PACRG: variants seen among roughly 807,000 people sequenced by gnomAD.
The protein encoded by PACRG is parkin coregulated.
PACRG carries 29 observed loss-of-function variants against 29.7 expected under a neutral mutation model. The ratio of observed to expected loss-of-function variants is 0.98; its 90% CI spans 0.73 to 1.33. The LOEUF is 1.33. Among genes scored for constraint, PACRG ranks in the 40% most tolerant of loss-of-function variants. The pLI is 0.00. For missense variants in PACRG, 279 were observed against 316.2 expected (o/e 0.88, Z 0.89); for synonymous variants, 116 against 118.7 (o/e 0.98, Z 0.15).
At chr6:163,283,086 C>A (rs1784273760) in intron 4 of PACRG, among the ~76,000 whole-genome samples, 3 of 152,202 alleles carry the variant, frequency 2.0e-5, no homozygotes, top group Non-Finnish European at 4.4e-5. Flanking sequence ...ATGCACATTA[C>A]TATATGACAT....
Position 163,030,550 on chromosome 6 carries a change from CTTGGATCT to C in PACRG, c.292-31599_292-31592del, listed in dbSNP as rs1807564611. On this transcript the variant is annotated intron_variant, in intron 2 of 4. Coordinates refer to ENST00000366888, the MANE Select transcript of PACRG (RefSeq NM_001080379.2). ...CCCTTCCAGACCCCAAGAGAGGGTT[CTTGGATCT>C]CACACAAGAAAGAATTCAGGGTGAG... is the stretch of plus-strand genomic sequence containing the variant. 3.9e-5 allele frequency among the ~76,000 whole-genome samples: 6 copies of C among 152,236 alleles called. No homozygotes were observed. The South Asian group carries it at 1.2e-3, about 32-fold the overall frequency.
intron 2 of PACRG, among the ~76,000 whole-genome samples, chr6:162,842,411 A>T (rs1240384756): frequency 6.6e-6 from 1 of 151,302 alleles, no homozygotes; most frequent in Non-Finnish European, 1.5e-5. Flanking sequence ...AGAGACTAGG[A>T]TTGCAGCCCC....
intron 2 of PACRG, among the ~76,000 whole-genome samples, chr6:162,917,051 G>C (rs1796746381): frequency 6.6e-6 from 1 of 152,006 alleles, no homozygotes; most frequent in African/African-American, 2.4e-5. Context: ...TGTTAATTTT[G>C]GAGTCTGGGC....
intron 2 of PACRG, among the ~76,000 whole-genome samples, chr6:162,984,925 T>C (rs910733673): frequency 6.6e-6 from 1 of 151,992 alleles, no homozygotes; most frequent in South Asian, 2.1e-4. Context: ...GTTGGATGTA[T>C]AGATTGTGAA....
intron 2 of PACRG, among the ~76,000 whole-genome samples, chr6:162,823,845 A>G (rs1788052086): frequency 6.6e-6 from 1 of 151,976 alleles, no homozygotes; most frequent in Non-Finnish European, 1.5e-5. Context: ...TTTTGTTGGT[A>G]TGGATCTATC....
At chr6:163,192,620 G>A (rs545403922) in intron 4 of PACRG, among the ~76,000 whole-genome samples, 6 of 151,784 alleles carry the variant, frequency 4.0e-5, no homozygotes, top group African/African-American at 1.4e-4. Flanking sequence ...CTCAAGATGA[G>A]CATGAATTAA....
intron 3 of PACRG, among the ~76,000 whole-genome samples, chr6:163,067,473 G>T (rs1811657586): frequency 6.6e-6 from 1 of 152,188 alleles, no homozygotes; most frequent in Admixed American, 6.5e-5. Flanking sequence ...AAGATTTTAG[G>T]CCTTAAATGT....
chr6:162,928,242 G>T (rs1445393156), intron 2 of PACRG, among the ~76,000 whole-genome samples: 1 of 151,868 alleles, frequency 6.6e-6, no homozygotes, highest in Non-Finnish European at 1.5e-5. Context: ...CTCAATTTTG[G>T]TAGGTTATAT....
chr6:162,945,306 A>AT (rs1798924982), intron 2 of PACRG, among the ~76,000 whole-genome samples: 1 of 152,152 alleles, frequency 6.6e-6, no homozygotes, highest in South Asian at 2.1e-4. Context: ...CCAGTAAGTG[A>AT]TGGAAAAAAA....
intron 4 of PACRG, among the ~76,000 whole-genome samples, chr6:163,156,977 T>G (rs1259969661): frequency 6.6e-6 from 1 of 152,234 alleles, no homozygotes; most frequent in Non-Finnish European, 1.5e-5. Flanking sequence ...TGTGAGCATG[T>G]GTGCAAAGTA....
intron 2 of PACRG, among the ~76,000 whole-genome samples, chr6:162,859,578 G>T (rs1791684570): frequency 6.6e-6 from 1 of 152,044 alleles, no homozygotes. Flanking sequence ...GAGGTTCATA[G>T]AAACCAAAAT....
At chr6:162,908,166 T>G (rs1210905795) in intron 2 of PACRG, among the ~76,000 whole-genome samples, 1 of 152,258 alleles carries the variant, frequency 6.6e-6, no homozygotes, top group East Asian at 1.9e-4. Context: ...ACACTTTTCC[T>G]ATTGAATAAA....
intron 2 of PACRG, among the ~76,000 whole-genome samples, chr6:162,995,600 C>T (rs923658269): frequency 1.3e-5 from 2 of 152,244 alleles, no homozygotes; most frequent in Admixed American, 6.5e-5. Context: ...TGCTTCGGCT[C>T]GCGCCTGGTG....
At chr6:163,237,412 ATACATATT>A (rs1782292647) in intron 4 of PACRG, among the ~76,000 whole-genome samples, 1 of 152,140 alleles carries the variant, frequency 6.6e-6, no homozygotes, top group Non-Finnish European at 1.5e-5. Context: ...TATTTTTTAT[ATACATATT>A]TTCTACCAAC....
At chr6:163,027,816 T>C (rs932886212) in intron 2 of PACRG, among the ~76,000 whole-genome samples, 3 of 152,222 alleles carry the variant, frequency 2.0e-5, no homozygotes, top group African/African-American at 7.2e-5. Flanking sequence ...TTCATCTGCA[T>C]AGAATAAGCA....
intron 2 of PACRG, among the ~76,000 whole-genome samples, chr6:162,880,899 T>C (rs1382667654): frequency 6.6e-6 from 1 of 152,174 alleles, no homozygotes; most frequent in African/African-American, 2.4e-5. Flanking sequence ...GCGCCAGGGG[T>C]GCATCGTTCA....
chr6:162,860,116 T>A (rs1562672487), intron 2 of PACRG, among the ~76,000 whole-genome samples: 3 of 152,190 alleles, frequency 2.0e-5, no homozygotes, highest in African/African-American at 7.2e-5. Context: ...CTAGTTTTTA[T>A]ACAGATATTT....
At chr6:162,988,129 C>G (rs905253949) in intron 2 of PACRG, among the ~76,000 whole-genome samples, 1 of 152,124 alleles carries the variant, frequency 6.6e-6, no homozygotes, top group Admixed American at 6.6e-5. Context: ...GTTCTTGGAG[C>G]AAAAGTCCAT....
intron 4 of PACRG, among the ~76,000 whole-genome samples, chr6:163,243,322 C>T (rs1199092016): frequency 2.0e-5 from 3 of 152,214 alleles, no homozygotes; most frequent in Admixed American, 6.5e-5. Context: ...GGGGCATGTG[C>T]CTGGCACCAA....
Sources: allele counts gnomAD v4.1 joint callset (sites outside exome capture counted in the v4.1 genomes callset), GRCh38; gene constraint gnomAD v4.1.1; transcripts MANE v1.5; gene names NCBI Gene and HGNC (gene_info 2026-07-23, HGNC 2026-07-21).